The following KPNA3 variants were observed in gnomAD, a reference collection of about 807,000 sequenced individuals.
The protein encoded by KPNA3 is karyopherin subunit alpha 3, also known as importin subunit alpha-4.
A neutral mutation model predicts 73.8 loss-of-function variants in KPNA3; 13 were observed. The ratio of observed to expected loss-of-function variants is 0.18; its 90% CI spans 0.11 to 0.28. The LOEUF (loss-of-function observed/expected upper bound fraction) is 0.28, where lower values mean the gene tolerates loss of function less well. KPNA3 is among the 10% of genes least tolerant of loss of function. KPNA3 has a pLI of 1.00. For missense variants in KPNA3, 360 were observed against 618.1 expected (o/e 0.58, Z 4.43); for synonymous variants, 186 against 206.9 (o/e 0.90, Z 0.87).
At position 49,700,167 on chromosome 13, in the gene KPNA3, C is replaced by T. The variant is rs1394596012; in HGVS notation, c.*1633G>A. 3.3e-5 allele frequency: 5 copies of T among 152,622 alleles called. No individual in the cohort carries two copies. Among genetic ancestry groups the T allele is most frequent in the Admixed American group, 3.3e-4 (5 of 15,278 alleles). The allele number at this position is 152,622 out of a possible 1,614,324, so 9.5% of individuals were successfully genotyped here. On this transcript the variant is annotated 3_prime_UTR_variant, in exon 17 of 17. Transcript: ENST00000261667. Reference sequence around the variant, plus strand: ...AGACAAAACTCACTCTTTAAAGTGGCTCCACCTTGGCAGATACATATATTT... The same window carrying T: ...AGACAAAACTCACTCTTTAAAGTGGTTCCACCTTGGCAGATACATATATTT...
chr13:49,787,063 A>G (rs2137609505), intron 1 of KPNA3, among the ~76,000 whole-genome samples: 1 of 152,336 alleles, frequency 6.6e-6, no homozygotes, highest in South Asian at 2.1e-4. Context: ...CAAGGATAGA[A>G]TCTTAAACTT....
chr13:49,709,794 G>A, intron 11 of KPNA3, 94 bp from the exon 12 acceptor site: 1 of 1,152,644 alleles, frequency 8.7e-7, no homozygotes, highest in Non-Finnish European at 1.2e-6. Flanking sequence ...AAAATGCAAG[G>A]CATAAATAAC....
intron 1 of KPNA3, among the ~76,000 whole-genome samples, chr13:49,785,149 G>T (rs542276237): frequency 6.6e-6 from 1 of 152,252 alleles, no homozygotes; most frequent in Admixed American, 6.5e-5. Flanking sequence ...TTAAGGGGGT[G>T]GGGGAGGAAG....
chr13:49,780,540 ACT>A (rs1316801521), intron 1 of KPNA3, among the ~76,000 whole-genome samples: 1 of 151,400 alleles, frequency 6.6e-6, no homozygotes, highest in Non-Finnish European at 1.5e-5. Context: ...TTACTCCCAA[ACT>A]CTCTTCTCAT....
At position 49,702,367 on chromosome 13, in the gene KPNA3, T is replaced by C; in HGVS notation, c.1467+19A>G. 8.4e-7 allele frequency: 1 copy of C among 1,193,172 alleles called. No individual in the cohort carries two copies. Among genetic ancestry groups the C allele is most frequent in the South Asian group, 1.3e-5 (1 of 77,650 alleles). The allele number at this position is 1,193,172 out of a possible 1,614,324, so 73.9% of individuals were successfully genotyped here. A position where few individuals can be genotyped will look rare whatever the true frequency, so the allele number is the denominator to read the frequency against. On this transcript the variant is annotated intron_variant, in intron 16 of 16. Coordinates refer to ENST00000261667, the MANE Select transcript of KPNA3 (RefSeq NM_002267.4). ...TTTTCATTTACATGAAGATACACGC[T>C]ATTTTAATATCTACTTACATCATCA...
rs34273881 is a variant in KPNA3 at position 49,723,868 on chromosome 13, T to TAA, written c.470-1307_470-1306dup. 2.1e-3 allele frequency among the ~76,000 whole-genome samples: 264 copies of TAA among 127,830 alleles called. 2 individuals carry two copies. Among genetic ancestry groups the TAA allele is most frequent in the Admixed American group, 8.2e-3 (102 of 12,406 alleles). 83.9% of individuals were successfully genotyped at this position (127,830 alleles called of 152,430 possible). On this transcript the variant is annotated intron_variant, in intron 7 of 16. Coordinates refer to ENST00000261667, the MANE Select transcript of KPNA3 (RefSeq NM_002267.4). ...CTGGCGACAGAGCGAGACTCCGTCT[T>TAA]AAAAAAAAAAAAAAAAGAAAAGAAA...
intron 6 of KPNA3, among the ~76,000 whole-genome samples, chr13:49,730,285 C>T (rs930698846): frequency 6.6e-6 from 1 of 152,022 alleles, no homozygotes; most frequent in African/African-American, 2.4e-5. Flanking sequence ...GTAATGTCTG[C>T]ACTTTGGGAG....
At chr13:49,741,516 T>C (rs1047206669) in intron 2 of KPNA3, among the ~76,000 whole-genome samples, 9 of 151,290 alleles carry the variant, frequency 5.9e-5, no homozygotes, top group Admixed American at 6.6e-5. Flanking sequence ...TGCAGTGGCG[T>C]GATCTCGGCT....
intron 1 of KPNA3, among the ~76,000 whole-genome samples, chr13:49,751,265 A>G (rs1473202445): frequency 6.6e-6 from 1 of 152,134 alleles, no homozygotes; most frequent in Non-Finnish European, 1.5e-5. Context: ...ACAACCATCC[A>G]AATAGTTTCA....
rs1430752169 is a variant in KPNA3 at position 49,745,201 on chromosome 13, T to C, written c.114+1748A>G. 2.6e-5 allele frequency among the ~76,000 whole-genome samples: 4 copies of C among 152,300 alleles called. No individual in the cohort carries two copies. The Middle Eastern group carries it at 0.014, about 518-fold the overall frequency. ...GCAATATTGTTGTAAAACTACAGATTTGAAGAGCTACCTAGCCCGTGTATG... is the reference window on the plus strand; with the variant it reads ...GCAATATTGTTGTAAAACTACAGATCTGAAGAGCTACCTAGCCCGTGTATG... On this transcript the variant is annotated intron_variant, in intron 2 of 16. Coordinates refer to ENST00000261667, the MANE Select transcript of KPNA3 (RefSeq NM_002267.4).
At chr13:49,762,655 G>A (rs1029723392) in intron 1 of KPNA3, among the ~76,000 whole-genome samples, 2 of 152,036 alleles carry the variant, frequency 1.3e-5, no homozygotes, top group Admixed American at 1.3e-4. Flanking sequence ...TTAAACAGAT[G>A]CTTGAAGGCT....
intron 1 of KPNA3, among the ~76,000 whole-genome samples, chr13:49,767,164 C>T (rs1424514834): frequency 1.3e-5 from 2 of 151,842 alleles, no homozygotes; most frequent in Non-Finnish European, 2.9e-5. Context: ...CGCCTGTAAT[C>T]CCAGCATTTT....
At chr13:49,710,357 G>A (rs1954249083) in intron 11 of KPNA3, among the ~76,000 whole-genome samples, 1 of 152,246 alleles carries the variant, frequency 6.6e-6, no homozygotes, top group African/African-American at 2.4e-5. Flanking sequence ...GATCTAATAA[G>A]TGCCTACCCC....
intron 1 of KPNA3, 123 bp downstream of exon 1, chr13:49,792,315 G>A (rs1955040870): frequency 2.3e-6 from 1 of 431,374 alleles, no homozygotes; most frequent in Non-Finnish European, 3.5e-6. Flanking sequence ...GGTGACGGGA[G>A]GCGGCGGCCA....
chr13:49,725,358 T>G, intron 7 of KPNA3, 58 bp downstream of exon 7: 2 of 923,706 alleles, frequency 2.2e-6, no homozygotes, highest in Admixed American at 5.3e-5. Context: ...ATTACAAAAC[T>G]CTACTTCCTT....
At chr13:49,756,637 C>T (rs1428439343) in intron 1 of KPNA3, among the ~76,000 whole-genome samples, 1 of 152,146 alleles carries the variant, frequency 6.6e-6, no homozygotes, top group African/African-American at 2.4e-5. Context: ...TGTTGATTCT[C>T]CTCATACTGA....
At chr13:49,731,385 A>G (rs1032316677) in intron 6 of KPNA3, among the ~76,000 whole-genome samples, 1 of 150,922 alleles carries the variant, frequency 6.6e-6, no homozygotes, top group African/African-American at 2.4e-5. Flanking sequence ...CACTGCGTCC[A>G]GCCAGAATTT....
Position 49,701,650 on chromosome 13 carries a change from A to G in KPNA3, c.*150T>C. Reference sequence around the variant, plus strand: ...TGTGATAGTGACTTTTGGCAACTGCAAAGTGACTGAGACATGGCTTGCTTT... The same window carrying G: ...TGTGATAGTGACTTTTGGCAACTGCGAAGTGACTGAGACATGGCTTGCTTT... On this transcript the variant is annotated 3_prime_UTR_variant, in exon 17 of 17. Transcript: ENST00000261667. The G allele has an allele frequency of 1.3e-6, 1 of 766,528 alleles. No homozygotes were observed. Among genetic ancestry groups the G allele is most frequent in the Non-Finnish European group, 2.4e-6 (1 of 410,656 alleles). The allele number at this position is 766,528 out of a possible 1,614,324, so 47.5% of individuals were successfully genotyped here. A position where few individuals can be genotyped will look rare whatever the true frequency, so the allele number is the denominator to read the frequency against.
At chr13:49,710,432 T>TA (rs1450556802) in intron 11 of KPNA3, among the ~76,000 whole-genome samples, 1 of 152,108 alleles carries the variant, frequency 6.6e-6, no homozygotes, top group African/African-American at 2.4e-5. Context: ...GGGGGAAAGA[T>TA]AGAGTCTTGA....
Sources: gnomAD v4.1 joint callset for allele counts (sites outside exome capture counted in the v4.1 genomes callset) on GRCh38, gnomAD v4.1.1 for gene constraint, MANE v1.5 for transcripts, NCBI Gene and HGNC (gene_info 2026-07-23, HGNC 2026-07-21) for gene names.